The following MIER1 variants were observed in gnomAD, a reference collection of about 807,000 sequenced individuals.
The protein encoded by MIER1 is mesoderm induction early response protein 1.
MIER1 carries 40 observed loss-of-function variants against 75.7 expected under a neutral mutation model. That is an observed-to-expected ratio of 0.53 (90% CI 0.41 to 0.69). MIER1 has a LOEUF of 0.69. Among genes scored for constraint, MIER1 ranks in the 30% least tolerant of loss-of-function variants. The probability of loss-of-function intolerance (pLI) is 0.00; values close to 1 mark genes in which losing one functional copy is unlikely to be tolerated. For synonymous variants in MIER1, 213 were observed against 223.4 expected, an observed-to-expected ratio of 0.95 and a Z score of 0.42; for missense variants, 574 against 680.2, an observed-to-expected ratio of 0.84 and a Z score of 1.74.
intron 2 of MIER1, among the ~76,000 whole-genome samples, chr1:66,927,990 G>A (rs1158574235): frequency 1.3e-5 from 2 of 151,972 alleles, no homozygotes; most frequent in Admixed American, 6.5e-5. Flanking sequence ...TTACAGTTAG[G>A]TGTATCACTA....
intron 3 of MIER1, among the ~76,000 whole-genome samples, chr1:66,945,290 TATATATATATATATATATATATATATA>T (rs1657285005): frequency 7.9e-4 from 5 of 6,338 alleles, no homozygotes; most frequent in African/African-American, 7.5e-3. Flanking sequence ...TATATATATA[TATATATATATATATATATATATATATA>T]AAATACCTAA....
chr1:66,951,162 T>G lies in MIER1; in HGVS notation c.339+4867T>G, dbSNP rs76177705. ...GTCTTGAAATTAGGGCAGACTTAAC[T>G]TGAGATATAGTATATAGTGTTTATC... On this transcript the variant is annotated intron_variant, in intron 4 of 13. Coordinates refer to ENST00000401041, the MANE Select transcript of MIER1 (RefSeq NM_001077700.3). Among the ~76,000 whole-genome samples the G allele has an allele frequency of 2.6e-3, 398 of 152,316 alleles. 2 individuals are homozygous for G. Among genetic ancestry groups the G allele is most frequent in the African/African-American group, 9.2e-3 (382 of 41,568 alleles).
chr1:66,985,162 CT>C lies in MIER1; in HGVS notation c.*265del, dbSNP rs1252116159. On this transcript the variant is annotated 3_prime_UTR_variant, in exon 14 of 14. Transcript: ENST00000401041. ...TATCTCTACCTTCTCATTTGAATAT[CT>C]TTAGTTCATTCAGATTTACTAATTT... The C allele has an allele frequency of 9.8e-7, 1 of 1,017,784 alleles. No homozygotes were observed. The highest frequency in any genetic ancestry group is 6.5e-5 in the East Asian group (1 of 15,404). The allele number at this position is 1,017,784 out of a possible 1,614,324, so 63.0% of individuals were successfully genotyped here.
Position 66,985,062 on chromosome 1 carries a change from A to AT in MIER1, c.*169dup, listed in dbSNP as rs1023008703. On this transcript the variant is annotated 3_prime_UTR_variant, in exon 14 of 14. Transcript: ENST00000401041. ...GGTTTCATAATTCTGCCTTTTGCAG[A>AT]TTTTTTTACTTTAAAGCTGTCAGAC... 11 of 1,355,802 alleles carry AT rather than the reference A, an allele frequency of 8.1e-6. No individual in the cohort carries two copies. Among genetic ancestry groups the AT allele is most frequent in the Admixed American group, 3.6e-5 (1 of 27,900 alleles). The allele number at this position is 1,355,802 out of a possible 1,614,324, so 84.0% of individuals were successfully genotyped here.
At position 66,986,348 on chromosome 1, in the gene MIER1, C is replaced by A; in HGVS notation, c.*1448C>A. 6.3e-7 allele frequency: 1 copy of A among 1,577,680 alleles called. No individual in the cohort carries two copies. On this transcript the variant is annotated 3_prime_UTR_variant, in exon 14 of 14. Transcript: ENST00000401041. ...ATGTAGTTTTATATAGCTGATAGACCAACCTATATCCAAACTTTTATAAAA... is the reference window on the plus strand; with the variant it reads ...ATGTAGTTTTATATAGCTGATAGACAAACCTATATCCAAACTTTTATAAAA...
At chr1:66,946,541 C>G in intron 4 of MIER1, 6 of 1,161,212 alleles carry the variant, frequency 5.2e-6, no homozygotes, top group Non-Finnish European at 6.4e-6. Flanking sequence ...TTAAATGATT[C>G]TGCTATAAAG....
chr1:66,966,183 C>T (rs1297005526), intron 8 of MIER1, among the ~76,000 whole-genome samples: 1 of 152,092 alleles, frequency 6.6e-6, no homozygotes, highest in Non-Finnish European at 1.5e-5. Flanking sequence ...TATCCCTTGC[C>T]CTTCTCCCCA....
chr1:66,951,988 A>G (rs964904118), intron 4 of MIER1, among the ~76,000 whole-genome samples: 4 of 152,246 alleles, frequency 2.6e-5, no homozygotes, highest in Non-Finnish European at 4.4e-5. Flanking sequence ...GTTACTTAAC[A>G]TTGTTAAACT....
At chr1:66,948,141 C>G in intron 4 of MIER1, 1 of 875,916 alleles carries the variant, frequency 1.1e-6, no homozygotes, top group Non-Finnish European at 1.4e-6. Context: ...TGTTATTCAC[C>G]AGTGTATTTC....
intron 2 of MIER1, chr1:66,930,341 CGTGACCCAGCTGCGGCCGCCGCGGAGAT>C: frequency 6.2e-7 from 1 of 1,604,874 alleles, no homozygotes; most frequent in Non-Finnish European, 8.5e-7. Flanking sequence ...GGGTTCTGGC[CGTGACCCAGCTGCGGCCGCCGCGGAGAT>C]GTGACCCGGC....
At chr1:66,962,311 C>T (rs1179641798) in intron 7 of MIER1, among the ~76,000 whole-genome samples, 1 of 152,092 alleles carries the variant, frequency 6.6e-6, no homozygotes, top group African/African-American at 2.4e-5. Context: ...AAGCCATAAC[C>T]TGCTTATCTA....
At chr1:66,973,965 G>T (rs563009454) in intron 11 of MIER1, among the ~76,000 whole-genome samples, 25 of 152,154 alleles carry the variant, frequency 1.6e-4, no homozygotes, top group Admixed American at 1.2e-3. Context: ...ACATTTGGAT[G>T]TGATTGGATT....
At position 66,975,988 on chromosome 1, in the gene MIER1, T is replaced by TG. The variant is rs1553256029; in HGVS notation, c.1102-607_1102-606insG. The stretch of plus-strand genomic sequence containing the variant: ...CATGAATGCCACTTCCAGGCCTTTT[T>TG]TTTGTGTGTGTGTGTGTGAGACTGA... On this transcript the variant is annotated intron_variant, in intron 11 of 13. Coordinates refer to ENST00000401041, the MANE Select transcript of MIER1 (RefSeq NM_001077700.3). 5.7e-3 allele frequency among the ~76,000 whole-genome samples: 555 copies of TG among 97,086 alleles called. 5 individuals are homozygous for TG. Among genetic ancestry groups the TG allele is most frequent in the African/African-American group, 0.016 (519 of 31,596 alleles). The allele number at this position is 97,086 out of a possible 152,430, so 63.7% of individuals were successfully genotyped here.
At chr1:66,930,147 C>T (rs1378443553) in intron 2 of MIER1, 1 of 1,180,886 alleles carries the variant, frequency 8.5e-7, no homozygotes, top group East Asian at 3.6e-5. Flanking sequence ...GCGCGCGCGC[C>T]CCTGCTCCGG....
At position 66,966,304 on chromosome 1, in the gene MIER1, C is replaced by T. The variant is rs569265032; in HGVS notation, c.772+3144C>T. Among the ~76,000 whole-genome samples, 5 of 151,998 alleles carry T rather than the reference C, an allele frequency of 3.3e-5. No individual in the cohort carries two copies. The South Asian group carries it at 8.3e-4, about 25-fold the overall frequency. ...TGCAGTGTTTGGTTTTTTGTCCTTG[C>T]GATAGTTTGCTGAGAATGATGGTTT... On this transcript the variant is annotated intron_variant, in intron 8 of 13. Transcript: ENST00000401041.
intron 4 of MIER1, among the ~76,000 whole-genome samples, chr1:66,952,016 A>G (rs1440223794): frequency 6.6e-6 from 1 of 152,256 alleles, no homozygotes; most frequent in Non-Finnish European, 1.5e-5. Flanking sequence ...TTATTACAAG[A>G]ATAATATATC....
chr1:66,969,145 AT>A (rs766979005), intron 8 of MIER1, among the ~76,000 whole-genome samples: 4 of 152,136 alleles, frequency 2.6e-5, no homozygotes, highest in Non-Finnish European at 4.4e-5. Context: ...TTTTCTAAAT[AT>A]TTTCCTTTGG....
At chr1:66,948,985 TAGG>T (rs1398148888) in intron 4 of MIER1, among the ~76,000 whole-genome samples, 1 of 152,138 alleles carries the variant, frequency 6.6e-6, no homozygotes, top group East Asian at 1.9e-4. Context: ...TGTTTAAAAG[TAGG>T]AGGCTGGGAA....
chr1:66,982,000 T>A (rs1665984888), intron 13 of MIER1, 82 bp downstream of exon 13: 1 of 1,447,240 alleles, frequency 6.9e-7, no homozygotes, highest in Non-Finnish European at 9.6e-7. Flanking sequence ...CGTTTGGGTT[T>A]CTATTAAACT....
Sources: allele counts gnomAD v4.1 joint callset (sites outside exome capture counted in the v4.1 genomes callset), GRCh38; gene constraint gnomAD v4.1.1; transcripts MANE v1.5; gene names NCBI Gene and HGNC (gene_info 2026-07-23, HGNC 2026-07-21).